TTC3: variants seen among roughly 807,000 people sequenced by gnomAD.
TTC3 encodes the protein tetratricopeptide repeat domain 3.
In TTC3, 180 loss-of-function variants were observed where a neutral mutation model predicts 249.6. The ratio of observed to expected loss-of-function variants is 0.72; its 90% confidence interval spans 0.64 to 0.82. TTC3 has a LOEUF of 0.82. Ranked by LOEUF, TTC3 falls within the 40% of genes least tolerant of loss-of-function variation. TTC3 has a pLI of 0.00. For missense variants in TTC3, 2,061 were observed against 2,398.4 expected (o/e 0.86, Z 2.94); for synonymous variants, 717 against 805.0 (o/e 0.89, Z 1.85).
chr21:37,142,631 T>C (rs986538022), intron 20 of TTC3, among the ~76,000 whole-genome samples: 1 of 152,210 alleles, frequency 6.6e-6, no homozygotes, highest in Non-Finnish European at 1.5e-5. Flanking sequence ...TCCATGCTCA[T>C]GGATAGGAAG....
chr21:37,119,582 C>A (rs971727262), intron 11 of TTC3, among the ~76,000 whole-genome samples: 1 of 152,180 alleles, frequency 6.6e-6, no homozygotes, highest in African/African-American at 2.4e-5. Context: ...ACTCCCGCTT[C>A]TGTCTCCTTA....
At chr21:37,194,067 AGTAT>A (rs2084555433) in intron 41 of TTC3, 1 of 152,254 alleles carries the variant, frequency 6.6e-6, no homozygotes, top group South Asian at 2.1e-4. Context: ...ATAGAAGCCC[AGTAT>A]GACGCAGGGG....
chr21:37,125,107 C>T (rs1053370366), intron 14 of TTC3, among the ~76,000 whole-genome samples: 3 of 152,094 alleles, frequency 2.0e-5, no homozygotes, highest in East Asian at 1.9e-4. Flanking sequence ...GAGTTTATAC[C>T]GAGCATCTCC....
intron 27 of TTC3, among the ~76,000 whole-genome samples, chr21:37,155,157 A>T (rs988282291): frequency 6.6e-6 from 1 of 151,244 alleles, no homozygotes; most frequent in Non-Finnish European, 1.5e-5. Flanking sequence ...ACACTTACTT[A>T]AATAGTAAGT....
At position 37,196,044 on chromosome 21, in the gene TTC3, C is replaced by T; in HGVS notation, c.5579+8C>T. ...ATTCCCATGTTACAACAGGTATGAA[C>T]AGAAAATGTCTGTGACTGTGTTTAA... On this transcript the variant is annotated splice_region_variant and intron_variant, in intron 42 of 45. Coordinates refer to ENST00000355666, the Ensembl canonical transcript of TTC3. The T allele has an allele frequency of 1.2e-6, 2 of 1,613,402 alleles. No homozygotes were observed. The highest frequency in any genetic ancestry group is 1.7e-6 in the Non-Finnish European group (2 of 1,179,594).
chr21:37,136,462 T>C (rs191140408), intron 18 of TTC3, among the ~76,000 whole-genome samples: 171 of 152,310 alleles, frequency 1.1e-3, no homozygotes, highest in African/African-American at 3.8e-3. Context: ...GCAGAGAGTC[T>C]TAGTGGTCTG....
chr21:37,187,219 C>A, intron 38 of TTC3, 74 bp downstream of exon 38: 2 of 1,060,392 alleles, frequency 1.9e-6, no homozygotes, highest in Non-Finnish European at 1.4e-6. Flanking sequence ...ACATATGAGG[C>A]ATAACAGACA....
intron 42 of TTC3, 38 bp from the exon 43 acceptor site, chr21:37,197,532 A>T (rs912743167): frequency 7.4e-6 from 12 of 1,611,304 alleles, no homozygotes; most frequent in Non-Finnish European, 1.0e-5. Flanking sequence ...GCAGTAGAGA[A>T]CTTTCTGTTG....
intron 39 of TTC3, among the ~76,000 whole-genome samples, chr21:37,190,139 T>C (rs1402168382): frequency 1.0e-4 from 12 of 119,952 alleles, no homozygotes; most frequent in East Asian, 2.4e-4. Flanking sequence ...TCTTTTTTTT[T>C]TTTTTTTTTT....
intron 38 of TTC3, among the ~76,000 whole-genome samples, 166 bp downstream of exon 38, chr21:37,187,311 T>C (rs1323596936): frequency 6.6e-6 from 1 of 152,236 alleles, no homozygotes; most frequent in Non-Finnish European, 1.5e-5. Flanking sequence ...TTTCCTTGCC[T>C]ATAGCCTTGT....
intron 35 of TTC3, among the ~76,000 whole-genome samples, chr21:37,177,956 T>C (rs2051398): frequency 0.53 from 81,195 of 151,994 alleles, 22,331 homozygotes; most frequent in African/African-American, 0.64. Flanking sequence ...AATCTTATAC[T>C]CACTAGCTGT....
rs144729715 is a variant in TTC3, at chr21:37,135,542, A to G, written c.1578+28A>G. 3.7e-4 allele frequency: 595 copies of G among 1,605,934 alleles called. 4 individuals carry two copies. The African/African-American group carries it at 5.7e-3, about 15-fold the overall frequency. The stretch of plus-strand genomic sequence containing the variant: ...AAATTTGCCATATCATAACTTGTTT[A>G]TCAATGCTAATGCACCTCAGATGAA... On this transcript the variant is annotated intron_variant, in intron 18 of 45. Coordinates refer to ENST00000355666, the Ensembl canonical transcript of TTC3.
At chr21:37,191,095 G>T (rs1211468347) in intron 39 of TTC3, among the ~76,000 whole-genome samples, 2 of 152,116 alleles carry the variant, frequency 1.3e-5, no homozygotes, top group Non-Finnish European at 2.9e-5. Flanking sequence ...TAAAATTCAG[G>T]AGACTTATTT....
chr21:37,123,240 A>C (rs1187700900), intron 13 of TTC3, among the ~76,000 whole-genome samples: 1 of 152,206 alleles, frequency 6.6e-6, no homozygotes, highest in African/African-American at 2.4e-5. Flanking sequence ...CCATATAGAT[A>C]TAAGCTCAGT....
At chr21:37,113,603 A>G (rs897514737) in intron 11 of TTC3, among the ~76,000 whole-genome samples, 2 of 152,210 alleles carry the variant, frequency 1.3e-5, no homozygotes, top group Non-Finnish European at 2.9e-5. Context: ...GAAAATGGCC[A>G]TATTGCCCAA....
intron 26 of TTC3, among the ~76,000 whole-genome samples, chr21:37,152,607 C>T (rs373137102): frequency 1.3e-3 from 203 of 152,020 alleles, no homozygotes; most frequent in Middle Eastern, 0.01. Context: ...AGGATGGTCT[C>T]GATCTCCTGA....
Position 37,147,469 on chromosome 21 carries a change from A to T in TTC3, c.1894-12A>T, listed in dbSNP as rs2079079706. ...TATTGTAATGGTATCATTTTTGTTT[A>T]TTTTGTTTTAGATGCTGTTAGAGAA... On this transcript the variant is annotated splice_polypyrimidine_tract_variant and intron_variant, in intron 21 of 45. Coordinates refer to ENST00000355666, the Ensembl canonical transcript of TTC3. The T allele has an allele frequency of 1.9e-6, 3 of 1,592,510 alleles. No homozygotes were observed. Among genetic ancestry groups the T allele is most frequent in the South Asian group, 2.3e-5 (2 of 87,264 alleles).
In TTC3 at chr21:37,200,265, G is replaced by A. The variant is rs750252672; in HGVS notation, c.5884G>A (p.Glu1962Lys). The A allele has an allele frequency of 5.6e-6, 9 of 1,614,040 alleles. No homozygotes were observed. The South Asian group carries it at 7.7e-5, about 14-fold the overall frequency. ...TGCAAGTTCCTGTGAAATATGCCAC[G>A]AGGTGTTCAAATCAAAAAACGTGCG... Residue 1962 changes from glutamate to lysine, a missense_variant, in exon 45 of 46, where the codon GAG (glutamate) becomes AAG (lysine). By Grantham distance (56) the Glu-to-Lys change is moderately conservative. This residue lies in a region of TTC3 where 1,040 missense variants were observed against 1,186.1 expected (regional missense o/e 0.88). Transcript: ENST00000355666.
rs1166635341 is a variant in TTC3, at chr21:37,123,047, A to G, written c.1109+19A>G. ...AAAACAGGTAAGTTAATAGCAGGTC[A>G]GTAGCTGCTACTACTAGGAATGGCT... On this transcript the variant is annotated intron_variant, in intron 13 of 45. Coordinates refer to ENST00000355666, the Ensembl canonical transcript of TTC3. 1 of 1,609,124 alleles carries G rather than the reference A, an allele frequency of 6.2e-7. No individual in the cohort carries two copies. The highest frequency in any genetic ancestry group is 2.2e-5 in the East Asian group (1 of 44,848).
Sources: gnomAD v4.1 joint callset for allele counts (sites outside exome capture counted in the v4.1 genomes callset) on GRCh38, gnomAD v4.1.1 for gene constraint, gnomAD v4.1.1 regional missense constraint, MANE v1.5 for transcripts, NCBI Gene and HGNC (gene_info 2026-07-23, HGNC 2026-07-21) for gene names.